The following MYO3A variants were observed in gnomAD, a reference collection of about 807,000 sequenced individuals.
MYO3A encodes the protein myosin-IIIa.
MYO3A carries 180 observed loss-of-function variants against 192.7 expected under a neutral mutation model. That is an observed-to-expected ratio of 0.93 (90% confidence interval 0.83 to 1.06). The LOEUF (loss-of-function observed/expected upper bound fraction) is 1.06, where lower values mean the gene tolerates loss of function less well. MYO3A is among the 50% of genes least tolerant of loss of function. The pLI, the probability that MYO3A is intolerant of heterozygous loss-of-function variation, is 0.00. For synonymous variants in MYO3A, 628 were observed against 645.3 expected (o/e 0.97, Z 0.41); for missense variants, 1,896 against 1,905.0 (o/e 1.00, Z 0.09).
intron 20 of MYO3A, among the ~76,000 whole-genome samples, chr10:26,138,511 CT>C (rs1294976354): frequency 3.3e-5 from 5 of 152,040 alleles, no homozygotes; most frequent in Admixed American, 2.6e-4. Context: ...CAAGAACCTT[CT>C]GATAAGATTA....
intron 2 of MYO3A, among the ~76,000 whole-genome samples, chr10:25,941,856 T>C (rs1197497478): frequency 1.3e-5 from 2 of 152,312 alleles, no homozygotes; most frequent in South Asian, 4.1e-4. Flanking sequence ...AATCATATAA[T>C]GTTTCCCTTT....
At chr10:26,062,528 A>ACAAAAAAAC (rs879434861) in intron 10 of MYO3A, among the ~76,000 whole-genome samples, 1 of 138,280 alleles carries the variant, frequency 7.2e-6, no homozygotes, top group Non-Finnish European at 1.6e-5. Flanking sequence ...AAAAAAAAAA[A>ACAAAAAAAC]AAAAATTATG....
intron 4 of MYO3A, among the ~76,000 whole-genome samples, chr10:25,991,643 T>G (rs1168368386): frequency 1.3e-5 from 2 of 152,252 alleles, no homozygotes; most frequent in African/African-American, 4.8e-5. Context: ...TTTTATAGTT[T>G]TAGGTCTAAC....
chr10:26,136,071 G>A (rs889728356), intron 20 of MYO3A, among the ~76,000 whole-genome samples: 3 of 151,322 alleles, frequency 2.0e-5, no homozygotes, highest in African/African-American at 7.3e-5. Context: ...GGCACTCCTC[G>A]AACATTTCTG....
rs1198079712 is a variant in MYO3A, at chr10:25,954,857, T to C, written c.169-17T>C. 3.7e-6 allele frequency: 6 copies of C among 1,609,660 alleles called. No individual in the cohort carries two copies. The highest frequency in any genetic ancestry group is 3.3e-5 in the South Asian group (3 of 90,926). ...TGGTTTTCTCACAGTTCTATTCTTATGACTTTTTGAAACTAGGATATTGAC... is the reference window on the plus strand; with the variant it reads ...TGGTTTTCTCACAGTTCTATTCTTACGACTTTTTGAAACTAGGATATTGAC... On this transcript the variant is annotated splice_polypyrimidine_tract_variant and intron_variant, in intron 3 of 34. Transcript: ENST00000642920.
At chr10:26,190,686 G>A (rs140482774) in intron 31 of MYO3A, among the ~76,000 whole-genome samples, 5 of 152,274 alleles carry the variant, frequency 3.3e-5, no homozygotes, top group African/African-American at 1.2e-4. Flanking sequence ...ATGAAGACAA[G>A]GGGTGTTTAA....
chr10:26,030,212 C>T (rs1006397192), intron 10 of MYO3A, among the ~76,000 whole-genome samples: 1 of 152,164 alleles, frequency 6.6e-6, no homozygotes, highest in African/African-American at 2.4e-5. Context: ...TTTTTGGTGC[C>T]AGACTTTGAA....
At position 26,038,698 on chromosome 10, in the gene MYO3A, C is replaced by T. The variant is rs142839938; in HGVS notation, c.953+12166C>T. On this transcript the variant is annotated intron_variant, in intron 10 of 34. Transcript: ENST00000642920. ...TTTATTTCTTTCTCTTGTCTGATGG[C>T]CCTACCTAGGACTTTCACTACTTAT... Among the ~76,000 whole-genome samples the T allele has an allele frequency of 7.9e-4, 121 of 152,208 alleles. 1 individual carries two copies. The highest frequency in any genetic ancestry group is 3.4e-3 in the Middle Eastern group (1 of 294).
In MYO3A at chr10:26,021,612, A is replaced by C. The variant is rs772748646; in HGVS notation, c.695A>C (p.Asp232Ala). ...ELGDGDPPLADLHPMRALFKI... is the reference protein window; with the variant it reads ...ELGDGDPPLAALHPMRALFKI... ...GGTGATGGAGATCCTCCACTAGCTGACCTTCATCCCATGAGAGCACTCTTC... is the reference window on the plus strand; with the variant it reads ...GGTGATGGAGATCCTCCACTAGCTGCCCTTCATCCCATGAGAGCACTCTTC... The change falls in exon 8 of 35, where the codon GAC becomes GCC. Residue 232 changes from aspartate to alanine, a missense_variant. By Grantham distance (126) the Asp-to-Ala change is moderately radical (BLOSUM62 -2). Transcript: ENST00000642920. 6.2e-7 allele frequency: 1 copy of C among 1,614,116 alleles called. No homozygotes were observed.
intron 10 of MYO3A, among the ~76,000 whole-genome samples, chr10:26,055,137 C>G (rs969027741): frequency 2.0e-5 from 3 of 152,136 alleles, no homozygotes; most frequent in Admixed American, 6.5e-5. Flanking sequence ...TCTCTCTTGG[C>G]TTTTGGAAAC....
At chr10:25,996,656 TC>T (rs1346180167) in intron 5 of MYO3A, 62 bp downstream of exon 5, 7 of 1,379,086 alleles carry the variant, frequency 5.1e-6, no homozygotes, top group Non-Finnish European at 7.2e-6. Flanking sequence ...AAAATGTAGA[TC>T]CTATTTTTAG....
chr10:26,045,992 A>G (rs1306498120), intron 10 of MYO3A, among the ~76,000 whole-genome samples: 1 of 152,076 alleles, frequency 6.6e-6, no homozygotes, highest in African/African-American at 2.4e-5. Flanking sequence ...GCACATGATC[A>G]TGGAAGCTCC....
At chr10:26,098,717 G>T (rs1564546710) in intron 17 of MYO3A, among the ~76,000 whole-genome samples, 1 of 152,130 alleles carries the variant, frequency 6.6e-6, no homozygotes, top group Non-Finnish European at 1.5e-5. Context: ...AGATCAGATG[G>T]TTGTAGATGT....
intron 6 of MYO3A, among the ~76,000 whole-genome samples, chr10:26,000,387 G>A (rs1840715562): frequency 1.3e-5 from 2 of 152,130 alleles, no homozygotes; most frequent in South Asian, 4.1e-4. Context: ...TGTGCCTGAG[G>A]CATCACTCTG....
intron 2 of MYO3A, among the ~76,000 whole-genome samples, chr10:25,945,467 CTAT>C: frequency 6.6e-6 from 1 of 152,198 alleles, no homozygotes; most frequent in Non-Finnish European, 1.5e-5. Flanking sequence ...TTGAAATCTA[CTAT>C]TATTGTAGAG....
intron 4 of MYO3A, among the ~76,000 whole-genome samples, chr10:25,979,544 G>A (rs529673918): frequency 2.0e-5 from 3 of 148,124 alleles, no homozygotes; most frequent in African/African-American, 7.5e-5. Flanking sequence ...AAAACAATCT[G>A]TAGAAAACTA....
At chr10:26,184,233 G>A (rs776088848) in intron 31 of MYO3A, among the ~76,000 whole-genome samples, 7 of 152,194 alleles carry the variant, frequency 4.6e-5, no homozygotes, top group Admixed American at 2.0e-4. Flanking sequence ...GAGGTGACTG[G>A]TGGAAATGGC....
chr10:26,210,759 G>A (rs1001374005), intron 34 of MYO3A, among the ~76,000 whole-genome samples: 25 of 151,596 alleles, frequency 1.6e-4, no homozygotes, highest in Non-Finnish European at 5.9e-5. Flanking sequence ...TCCCCCTCTC[G>A]CTTACTCTTT....
chr10:26,156,855 C>T (rs1031423611), intron 25 of MYO3A, among the ~76,000 whole-genome samples: 3 of 152,194 alleles, frequency 2.0e-5, no homozygotes, highest in African/African-American at 7.2e-5. Context: ...ACTCTCCACC[C>T]TCCAATAAGC....
Sources: allele counts gnomAD v4.1 joint callset (sites outside exome capture counted in the v4.1 genomes callset), GRCh38; gene constraint gnomAD v4.1.1; transcripts MANE v1.5; gene names NCBI Gene and HGNC (gene_info 2026-07-23, HGNC 2026-07-21).